Variants in KCNH1 observed in about 807,000 individuals in gnomAD.
KCNH1 encodes voltage-gated delayed rectifier potassium channel KCNH1.
A neutral mutation model predicts 69.2 loss-of-function variants in KCNH1; 27 were observed. The observed-to-expected ratio is 0.39, with a 90% CI of 0.29 to 0.54. The LOEUF is 0.54. KCNH1 is among the 20% of genes least tolerant of loss of function. KCNH1 has a pLI of 0.68. For missense variants in KCNH1, 798 were observed against 1,261.6 expected (o/e 0.63, Z 5.57); for synonymous variants, 456 against 487.7 (o/e 0.93, Z 0.86).
intron 10 of KCNH1, among the ~76,000 whole-genome samples, chr1:210,727,943 G>A (rs1398637161): frequency 2.0e-5 from 3 of 152,188 alleles, no homozygotes; most frequent in African/African-American, 7.2e-5. Flanking sequence ...AAGCAACTGT[G>A]AATGAACCAC....
At chr1:210,846,480 A>G (rs1482180921) in intron 7 of KCNH1, among the ~76,000 whole-genome samples, 3 of 152,174 alleles carry the variant, frequency 2.0e-5, no homozygotes, top group Non-Finnish European at 4.4e-5. Flanking sequence ...GCAATGGGGA[A>G]AGGATTCCCT....
intron 7 of KCNH1, among the ~76,000 whole-genome samples, chr1:210,840,497 G>A (rs1029705120): frequency 6.6e-6 from 1 of 152,184 alleles, no homozygotes; most frequent in Non-Finnish European, 1.5e-5. Flanking sequence ...CAGGAGGGGG[G>A]CATTTGGTGA....
intron 7 of KCNH1, among the ~76,000 whole-genome samples, chr1:210,873,563 A>G (rs943315466): frequency 2.6e-5 from 4 of 151,996 alleles, no homozygotes; most frequent in Admixed American, 2.0e-4. Flanking sequence ...TGTGTTTGCC[A>G]GGCTTGAACT....
chr1:210,843,275 A>G (rs1055047123), intron 7 of KCNH1, among the ~76,000 whole-genome samples: 1 of 152,164 alleles, frequency 6.6e-6, no homozygotes, highest in Admixed American at 6.6e-5. Flanking sequence ...ATTCTGATAA[A>G]CCATTAATGA....
chr1:211,060,282 G>GA (rs1272773996), intron 5 of KCNH1, among the ~76,000 whole-genome samples: 1 of 148,558 alleles, frequency 6.7e-6, no homozygotes, highest in Non-Finnish European at 1.5e-5. Context: ...CAAAAGAACA[G>GA]AAAAACTTCA....
chr1:211,086,890 A>G (rs1690961727), intron 4 of KCNH1, among the ~76,000 whole-genome samples: 1 of 152,184 alleles, frequency 6.6e-6, no homozygotes, highest in African/African-American at 2.4e-5. Context: ...CAGTGGACAC[A>G]AGGTACAGCA....
At chr1:210,873,290 T>C (rs1466335807) in intron 7 of KCNH1, among the ~76,000 whole-genome samples, 1 of 152,212 alleles carries the variant, frequency 6.6e-6, no homozygotes, top group Non-Finnish European at 1.5e-5. Flanking sequence ...AACAAAGATT[T>C]GAAATGTGCT....
At chr1:210,831,527 G>A (rs1285373122) in intron 7 of KCNH1, among the ~76,000 whole-genome samples, 2 of 152,140 alleles carry the variant, frequency 1.3e-5, no homozygotes, top group Non-Finnish European at 2.9e-5. Context: ...GTTGCAAATA[G>A]CTATGAATAG....
At chr1:210,840,997 G>C (rs1685394215) in intron 7 of KCNH1, among the ~76,000 whole-genome samples, 1 of 152,014 alleles carries the variant, frequency 6.6e-6, no homozygotes, top group Admixed American at 6.6e-5. Flanking sequence ...CCACAAATGT[G>C]GGCCAGTAGA....
chr1:210,952,558 G>A (rs1171027391), intron 6 of KCNH1, among the ~76,000 whole-genome samples: 2 of 152,088 alleles, frequency 1.3e-5, no homozygotes, highest in Non-Finnish European at 2.9e-5. Context: ...AAAGATTAAA[G>A]TGTGTCATTT....
intron 7 of KCNH1, among the ~76,000 whole-genome samples, chr1:210,834,248 T>C (rs1447970889): frequency 1.7e-4 from 26 of 151,272 alleles, no homozygotes; most frequent in African/African-American, 2.7e-4. Context: ...ATGTTTATTG[T>C]GGCACTATTC....
At chr1:210,992,124 A>T (rs1332207512) in intron 6 of KCNH1, among the ~76,000 whole-genome samples, 1 of 152,236 alleles carries the variant, frequency 6.6e-6, no homozygotes, top group Non-Finnish European at 1.5e-5. Context: ...GCAGTAATCT[A>T]CATACATATC....
At chr1:210,938,450 T>C (rs1310165048) in intron 6 of KCNH1, among the ~76,000 whole-genome samples, 1 of 152,200 alleles carries the variant, frequency 6.6e-6, no homozygotes, top group African/African-American at 2.4e-5. Context: ...ATAAAAATAA[T>C]TAAATAAAAG....
intron 10 of KCNH1, among the ~76,000 whole-genome samples, chr1:210,756,919 G>T (rs576760718): frequency 2.8e-4 from 43 of 152,334 alleles, no homozygotes; most frequent in African/African-American, 1.0e-3. Context: ...GCTGGATAGT[G>T]ATTTCTCTCA....
chr1:211,007,019 A>G (rs1032960886), intron 6 of KCNH1, among the ~76,000 whole-genome samples: 1 of 152,152 alleles, frequency 6.6e-6, no homozygotes, highest in African/African-American at 2.4e-5. Flanking sequence ...GGCAATCCTT[A>G]TTTCTTTATT....
At chr1:210,943,839 A>AC (rs1186848616) in intron 6 of KCNH1, among the ~76,000 whole-genome samples, 3 of 152,202 alleles carry the variant, frequency 2.0e-5, no homozygotes, top group Non-Finnish European at 2.9e-5. Flanking sequence ...TTACAAGGTA[A>AC]CCTGAAGACA....
intron 4 of KCNH1, among the ~76,000 whole-genome samples, chr1:211,084,748 A>G (rs958915188): frequency 6.6e-6 from 1 of 152,342 alleles, no homozygotes; most frequent in Middle Eastern, 3.4e-3. Flanking sequence ...TCCCAAACCC[A>G]TATTTTCCTT....
intron 5 of KCNH1, among the ~76,000 whole-genome samples, chr1:211,033,752 C>T (rs563673265): frequency 8.3e-5 from 12 of 143,840 alleles, no homozygotes; most frequent in South Asian, 2.5e-4. Context: ...CATCACACAC[C>T]GGGGCCTGTT....
Position 211,002,709 on chromosome 1 carries a change from T to A in KCNH1, c.1032+16074A>T, listed in dbSNP as rs570352917. Reference sequence around the variant, plus strand: ...ATGCACTGGATGAGTTTAGAAGTAATTAGCCAAACTGAAGAGTATCAGGAA... The same window carrying A: ...ATGCACTGGATGAGTTTAGAAGTAAATAGCCAAACTGAAGAGTATCAGGAA... On this transcript the variant is annotated intron_variant, in intron 6 of 10. Coordinates refer to ENST00000271751, the MANE Select transcript of KCNH1 (RefSeq NM_172362.3). Among the ~76,000 whole-genome samples, 13 of 152,136 alleles carry A rather than the reference T, an allele frequency of 8.5e-5. No homozygotes were observed. In the East Asian group the frequency reaches 2.5e-3, roughly 29 times the overall value.
Sources: allele counts gnomAD v4.1 joint callset (sites outside exome capture counted in the v4.1 genomes callset), GRCh38; gene constraint gnomAD v4.1.1; transcripts MANE v1.5; gene names NCBI Gene and HGNC (gene_info 2026-07-23, HGNC 2026-07-21).